UCK2: variants seen among roughly 807,000 people sequenced by gnomAD.
UCK2 encodes cytidine monophosphokinase 2.
In UCK2, 6 loss-of-function variants were observed where a neutral mutation model predicts 30.8. The observed-to-expected ratio is 0.19, with a 90% CI of 0.11 to 0.38. The LOEUF is 0.38. Among genes scored for constraint, UCK2 ranks in the 10% least tolerant of loss-of-function variants. UCK2 has a pLI of 1.00. For missense variants in UCK2, 210 were observed against 339.8 expected (o/e 0.62, Z 3.00); for synonymous variants, 125 against 133.6 (o/e 0.94, Z 0.45).
chr1:165,829,029 A>T (rs1343853262), intron 1 of UCK2, among the ~76,000 whole-genome samples: 2 of 152,038 alleles, frequency 1.3e-5, no homozygotes, highest in Non-Finnish European at 2.9e-5. Flanking sequence ...AAGAGCCACG[A>T]GGTTTTAGCT....
intron 1 of UCK2, among the ~76,000 whole-genome samples, chr1:165,877,231 G>C (rs1655358437): frequency 6.6e-6 from 1 of 152,144 alleles, no homozygotes; most frequent in African/African-American, 2.4e-5. Context: ...TAAATAAAAA[G>C]ACAAATGGCA....
At chr1:165,879,791 A>G (rs936814175) in intron 1 of UCK2, among the ~76,000 whole-genome samples, 2 of 152,228 alleles carry the variant, frequency 1.3e-5, no homozygotes, top group African/African-American at 4.8e-5. Context: ...CAGCCAATAG[A>G]GGACTTGAAC....
At chr1:165,873,468 T>A (rs1655253267) in intron 1 of UCK2, among the ~76,000 whole-genome samples, 2 of 152,338 alleles carry the variant, frequency 1.3e-5, no homozygotes, top group East Asian at 3.9e-4. Flanking sequence ...CTACTTGTAC[T>A]TTTTAGAAAA....
At chr1:165,876,963 C>T (rs1043675814) in intron 1 of UCK2, among the ~76,000 whole-genome samples, 1 of 152,196 alleles carries the variant, frequency 6.6e-6, no homozygotes, top group South Asian at 2.1e-4. Flanking sequence ...TCAGGATGAT[C>T]TCATCTCAAG....
chr1:165,899,083 T>C (rs557895826), intron 4 of UCK2, among the ~76,000 whole-genome samples: 1 of 152,170 alleles, frequency 6.6e-6, no homozygotes, highest in African/African-American at 2.4e-5. Flanking sequence ...GCTTGAACAT[T>C]CCTGGAGACT....
chr1:165,836,504 G>A (rs1654196326), intron 1 of UCK2, among the ~76,000 whole-genome samples: 1 of 152,160 alleles, frequency 6.6e-6, no homozygotes, highest in South Asian at 2.1e-4. Flanking sequence ...TCAAAATACA[G>A]TGGATTTTTT....
chr1:165,848,609 G>T (rs1454874405), intron 1 of UCK2, among the ~76,000 whole-genome samples: 1 of 151,664 alleles, frequency 6.6e-6, no homozygotes, highest in Non-Finnish European at 1.5e-5. Context: ...CTCCAGCCTG[G>T]ATGACAGAGC....
intron 1 of UCK2, among the ~76,000 whole-genome samples, chr1:165,851,555 C>T (rs1001641858): frequency 6.6e-6 from 1 of 152,224 alleles, no homozygotes; most frequent in Non-Finnish European, 1.5e-5. Flanking sequence ...CTCCCCGACC[C>T]CTGCAATATT....
intron 1 of UCK2, among the ~76,000 whole-genome samples, chr1:165,883,350 T>C (rs1200299090): frequency 2.0e-5 from 3 of 152,148 alleles, no homozygotes; most frequent in Non-Finnish European, 4.4e-5. Flanking sequence ...ATTCAAGGAC[T>C]GATGGCTTGA....
At chr1:165,898,253 A>ACC (rs1427772697) in intron 4 of UCK2, among the ~76,000 whole-genome samples, 15,288 of 152,080 alleles carry the variant, frequency 0.1, 2,565 homozygotes, top group African/African-American at 0.35. Flanking sequence ...TGTGTGGCAA[A>ACC]TTGTGCAAAT....
chr1:165,848,370 G>A (rs1356643097), intron 1 of UCK2, among the ~76,000 whole-genome samples: 4 of 152,154 alleles, frequency 2.6e-5, no homozygotes, highest in South Asian at 4.1e-4. Flanking sequence ...GGTGGCTTAC[G>A]CCTGTAATCC....
chr1:165,844,090 A>G (rs908605569), intron 1 of UCK2, among the ~76,000 whole-genome samples: 1 of 152,192 alleles, frequency 6.6e-6, no homozygotes, highest in Admixed American at 6.5e-5. Flanking sequence ...TCAACATGGG[A>G]AGACTGTAGC....
chr1:165,862,128 A>G (rs1044114829), intron 1 of UCK2, among the ~76,000 whole-genome samples: 3 of 152,146 alleles, frequency 2.0e-5, no homozygotes, highest in Non-Finnish European at 4.4e-5. Flanking sequence ...ACCATCAGTC[A>G]TCTCGTTTGG....
intron 1 of UCK2, among the ~76,000 whole-genome samples, chr1:165,877,357 G>T (rs1352443079): frequency 6.6e-6 from 1 of 152,074 alleles, no homozygotes; most frequent in African/African-American, 2.4e-5. Flanking sequence ...AAAGACACCG[G>T]GATGTTGACG....
chr1:165,890,678 C>G (rs766627787), intron 2 of UCK2: 15 of 325,896 alleles, frequency 4.6e-5, no homozygotes, highest in Non-Finnish European at 7.7e-5. Context: ...TGCCTCTGAT[C>G]TGAGGCAGCC....
At chr1:165,895,433 G>C (rs375537868) in intron 3 of UCK2, 2 of 977,632 alleles carry the variant, frequency 2.0e-6, no homozygotes, top group East Asian at 1.1e-4. Context: ...ACAAGAAAAA[G>C]AAAGAAAAGT....
At chr1:165,890,660 A>C in intron 2 of UCK2, 1 of 355,518 alleles carries the variant, frequency 2.8e-6, no homozygotes, top group Non-Finnish European at 5.4e-6. Flanking sequence ...ATACAGAGCT[A>C]GTCCTGCTGC....
intron 3 of UCK2, among the ~76,000 whole-genome samples, chr1:165,893,059 G>T (rs1298696530): frequency 6.6e-6 from 1 of 152,192 alleles, no homozygotes; most frequent in East Asian, 1.9e-4. Context: ...AGGTCATTGT[G>T]GTGGCAGGAG....
At chr1:165,830,270 C>T (rs910566258) in intron 1 of UCK2, among the ~76,000 whole-genome samples, 2 of 151,508 alleles carry the variant, frequency 1.3e-5, no homozygotes, top group East Asian at 3.9e-4. Context: ...TCCCAAAGTG[C>T]TGGGATTACA....
Sources: gnomAD v4.1 joint callset for allele counts (sites outside exome capture counted in the v4.1 genomes callset) on GRCh38, gnomAD v4.1.1 for gene constraint, MANE v1.5 for transcripts, NCBI Gene and HGNC (gene_info 2026-07-23, HGNC 2026-07-21) for gene names.